The following GABRB1 variants were observed in gnomAD, a reference collection of about 807,000 sequenced individuals.
GABRB1 encodes the protein gamma-aminobutyric acid receptor subunit beta-1.
GABRB1 carries 17 observed loss-of-function variants against 51.6 expected under a neutral mutation model. That is an observed-to-expected ratio of 0.33 (90% CI 0.23 to 0.49). GABRB1 has a LOEUF of 0.49. Among genes scored for constraint, GABRB1 ranks in the 20% least tolerant of loss-of-function variants. The pLI is 0.99. For missense variants in GABRB1, 410 were observed against 600.6 expected (o/e 0.68, Z 3.32); for synonymous variants, 247 against 218.9 (o/e 1.13, Z -1.14).
intron 4 of GABRB1, among the ~76,000 whole-genome samples, chr4:47,171,786 T>C (rs1183113977): frequency 6.6e-6 from 1 of 152,138 alleles, no homozygotes; most frequent in African/African-American, 2.4e-5. Flanking sequence ...ATGTAACACA[T>C]GTTGCTTACA....
intron 5 of GABRB1, among the ~76,000 whole-genome samples, chr4:47,322,092 A>C (rs189575350): frequency 5.6e-4 from 86 of 152,330 alleles, no homozygotes; most frequent in African/African-American, 1.9e-3. Context: ...CAAAACTATA[A>C]ATGAAGCAGA....
At chr4:47,393,257 C>G (rs1200862537) in intron 5 of GABRB1, among the ~76,000 whole-genome samples, 8 of 152,224 alleles carry the variant, frequency 5.3e-5, no homozygotes, top group Non-Finnish European at 1.0e-4. Context: ...AGCCTGGAAT[C>G]TACTACTTCA....
At chr4:47,368,778 A>T (rs1727082113) in intron 5 of GABRB1, among the ~76,000 whole-genome samples, 1 of 152,022 alleles carries the variant, frequency 6.6e-6, no homozygotes. Flanking sequence ...AAACTTAAAT[A>T]ATGTTAGTGG....
rs540708507 is a variant in GABRB1 at position 47,084,839 on chromosome 4, A to T, written c.240+52355A>T. ...CAAGGATAGAAACCCTCTGTTACCC[A>T]CTTTGAGTTGGCCCATGCACTGGGT... is the stretch of plus-strand genomic sequence containing the variant. On this transcript the variant is annotated intron_variant, in intron 3 of 8. Transcript: ENST00000295454. 2.6e-5 allele frequency among the ~76,000 whole-genome samples: 4 copies of T among 152,274 alleles called. No homozygotes were observed. In the East Asian group the frequency reaches 5.8e-4, roughly 22 times the overall value.
At chr4:47,352,957 G>T (rs978173686) in intron 5 of GABRB1, among the ~76,000 whole-genome samples, 16 of 152,174 alleles carry the variant, frequency 1.1e-4, no homozygotes, top group Admixed American at 3.3e-4. Context: ...ACCCAAGACT[G>T]GGAAGACAAA....
Position 47,197,722 on chromosome 4 carries a change from T to C in GABRB1, c.461+36253T>C, listed in dbSNP as rs536696525. On this transcript the variant is annotated intron_variant, in intron 4 of 8. Coordinates refer to ENST00000295454, the MANE Select transcript of GABRB1 (RefSeq NM_000812.4). Reference sequence around the variant, plus strand: ...GTTTCTAAGCGCTAGCTTAGTGCCATACCTATACTATATATGCCATACATG... The same window carrying C: ...GTTTCTAAGCGCTAGCTTAGTGCCACACCTATACTATATATGCCATACATG... Among the ~76,000 whole-genome samples, 3 of 152,320 alleles carry C rather than the reference T, an allele frequency of 2.0e-5. No homozygotes were observed. The South Asian group carries it at 6.2e-4, about 32-fold the overall frequency.
chr4:47,313,029 G>A (rs1724760771), intron 4 of GABRB1, among the ~76,000 whole-genome samples: 1 of 152,074 alleles, frequency 6.6e-6, no homozygotes, highest in Admixed American at 6.6e-5. Context: ...CTTAATAAAT[G>A]AATACTACAG....
intron 3 of GABRB1, among the ~76,000 whole-genome samples, chr4:47,130,553 C>T (rs1017023111): frequency 3.3e-5 from 5 of 152,062 alleles, no homozygotes; most frequent in African/African-American, 1.2e-4. Context: ...TTTTGAGAAC[C>T]TCCTGACCAT....
intron 3 of GABRB1, among the ~76,000 whole-genome samples, chr4:47,134,593 C>T (rs1461531137): frequency 6.6e-6 from 1 of 152,068 alleles, no homozygotes; most frequent in Non-Finnish European, 1.5e-5. Flanking sequence ...TAGGTAAATA[C>T]TCTATAAACT....
intron 5 of GABRB1, among the ~76,000 whole-genome samples, chr4:47,344,181 GT>G (rs1170333314): frequency 6.6e-6 from 1 of 152,188 alleles, no homozygotes; most frequent in East Asian, 1.9e-4. Context: ...TCAAAGAGTG[GT>G]AGCAAAGGTG....
intron 5 of GABRB1, among the ~76,000 whole-genome samples, chr4:47,371,766 C>T (rs1727205647): frequency 6.6e-6 from 1 of 152,076 alleles, no homozygotes; most frequent in Non-Finnish European, 1.5e-5. Flanking sequence ...ATGTCCTTTG[C>T]CCACTTTTTA....
chr4:47,095,048 C>G (rs1158496974), intron 3 of GABRB1, among the ~76,000 whole-genome samples: 1 of 151,924 alleles, frequency 6.6e-6, no homozygotes, highest in Non-Finnish European at 1.5e-5. Flanking sequence ...TGAGACAGAA[C>G]AGTATTTGAA....
chr4:47,252,690 T>C (rs1722041888), intron 4 of GABRB1, among the ~76,000 whole-genome samples: 1 of 151,838 alleles, frequency 6.6e-6, no homozygotes, highest in South Asian at 2.1e-4. Flanking sequence ...GTATTTTTAG[T>C]AGAGACGGGC....
At chr4:47,150,053 A>G (rs1717356614) in intron 3 of GABRB1, among the ~76,000 whole-genome samples, 1 of 151,936 alleles carries the variant, frequency 6.6e-6, no homozygotes, top group Non-Finnish European at 1.5e-5. Context: ...GATGGTTCCA[A>G]AGGAGCAGGC....
chr4:47,117,635 G>T (rs116512518), intron 3 of GABRB1, among the ~76,000 whole-genome samples: 8 of 152,270 alleles, frequency 5.3e-5, no homozygotes, highest in Admixed American at 5.2e-4. Context: ...CTACTTTTTG[G>T]TGTTAGGGTC....
chr4:47,367,331 T>G (rs1416832903), intron 5 of GABRB1, among the ~76,000 whole-genome samples: 1 of 152,196 alleles, frequency 6.6e-6, no homozygotes, highest in East Asian at 1.9e-4. Context: ...AAAGCTACCA[T>G]GTCTAGTATC....
At chr4:47,227,992 T>C (rs1442199023) in intron 4 of GABRB1, among the ~76,000 whole-genome samples, 1 of 152,194 alleles carries the variant, frequency 6.6e-6, no homozygotes, top group African/African-American at 2.4e-5. Context: ...ATTATCTCTT[T>C]AAAGGCCCTA....
intron 5 of GABRB1, among the ~76,000 whole-genome samples, chr4:47,360,273 C>T (rs1007514200): frequency 2.0e-5 from 3 of 151,724 alleles, no homozygotes; most frequent in African/African-American, 7.3e-5. Context: ...TAGGAAACAT[C>T]ATTTTTAGGA....
intron 3 of GABRB1, among the ~76,000 whole-genome samples, chr4:47,123,716 TG>T: frequency 4.5e-5 from 1 of 22,074 alleles, no homozygotes; most frequent in Non-Finnish European, 7.9e-5. Flanking sequence ...ATATGATATA[TG>T]ATATATGATA....
Sources: allele counts gnomAD v4.1 joint callset (sites outside exome capture counted in the v4.1 genomes callset), GRCh38; gene constraint gnomAD v4.1.1; transcripts MANE v1.5; gene names NCBI Gene and HGNC (gene_info 2026-07-23, HGNC 2026-07-21).